The following PLA2G6 variants were observed in gnomAD, a reference collection of about 807,000 sequenced individuals.
The protein encoded by PLA2G6 is 85/88 kDa calcium-independent phospholipase A2.
A neutral mutation model predicts 83.8 loss-of-function variants in PLA2G6; 62 were observed. That is an observed-to-expected ratio of 0.74 (90% CI 0.60 to 0.91). PLA2G6 has a LOEUF of 0.91. Ranked by LOEUF, PLA2G6 falls within the 40% of genes least tolerant of loss-of-function variation. PLA2G6 has a pLI of 0.00. For synonymous variants in PLA2G6, 417 were observed against 449.8 expected, an observed-to-expected ratio of 0.93 and a Z score of 0.92; for missense variants, 944 against 1,102.0, an observed-to-expected ratio of 0.86 and a Z score of 2.03.
At chr22:38,139,544 C>T (rs2088769467) in intron 5 of PLA2G6, 1 of 160,312 alleles carries the variant, frequency 6.2e-6, no homozygotes, top group Non-Finnish European at 1.4e-5. Flanking sequence ...AACCGATTCT[C>T]CTGCCTCAGC....
intron 1 of PLA2G6, among the ~76,000 whole-genome samples, chr22:38,180,917 G>A (rs1196133419): frequency 6.6e-6 from 1 of 152,174 alleles, no homozygotes; most frequent in South Asian, 2.1e-4. Context: ...CAGCCTCAAC[G>A]TTGCCAAACC....
chr22:38,114,165 G>A (rs1334521677), intron 14 of PLA2G6, among the ~76,000 whole-genome samples: 1 of 151,804 alleles, frequency 6.6e-6, no homozygotes, highest in African/African-American at 2.4e-5. Flanking sequence ...GCTTGAACCT[G>A]AGCCCTGGGT....
intron 9 of PLA2G6, 159 bp from the exon 10 acceptor site, chr22:38,126,608 T>A: frequency 1.5e-6 from 1 of 668,052 alleles, no homozygotes; most frequent in East Asian, 2.8e-5. Context: ...GGAAGGACTC[T>A]GTCCCAGGAG....
At chr22:38,126,143 C>G (rs2087837832) in intron 10 of PLA2G6, 1 of 617,962 alleles carries the variant, frequency 1.6e-6, no homozygotes, top group African/African-American at 1.8e-5. Context: ...GTCCAAGAAG[C>G]CTGGCACCCT....
chr22:38,117,229 C>T (rs999993765), intron 12 of PLA2G6, among the ~76,000 whole-genome samples: 3 of 152,124 alleles, frequency 2.0e-5, no homozygotes, highest in African/African-American at 4.8e-5. Context: ...TTTTTTGAGA[C>T]GGAGTCTCAC....
At chr22:38,153,474 A>G (rs2089655843) in intron 2 of PLA2G6, among the ~76,000 whole-genome samples, 1 of 151,906 alleles carries the variant, frequency 6.6e-6, no homozygotes, top group African/African-American at 2.4e-5. Context: ...TTACTTTTTA[A>G]TTGAAAAAAA....
chr22:38,151,390 C>T (rs2089552973), intron 2 of PLA2G6, among the ~76,000 whole-genome samples: 1 of 151,952 alleles, frequency 6.6e-6, no homozygotes, highest in Non-Finnish European at 1.5e-5. Flanking sequence ...GGGACGTGAA[C>T]CACCACACCT....
In PLA2G6 at chr22:38,163,388, A is replaced by C. The variant is rs76108428; in HGVS notation, c.209+5830T>G. On this transcript the variant is annotated intron_variant, in intron 2 of 16. Coordinates refer to ENST00000332509, the MANE Select transcript of PLA2G6 (RefSeq NM_003560.4). Reference sequence around the variant, plus strand: ...CACTTGGCCTTCAGCAACCATGGATACATCTAGCCACTCGGCAGATATTTA... The same window carrying C: ...CACTTGGCCTTCAGCAACCATGGATCCATCTAGCCACTCGGCAGATATTTA... 959 of 169,130 alleles carry C rather than the reference A, an allele frequency of 5.7e-3. 12 individuals are homozygous for C. Among genetic ancestry groups the C allele is most frequent in the African/African-American group, 0.021 (882 of 41,648 alleles). 10.5% of individuals were successfully genotyped at this position (169,130 alleles called of 1,614,324 possible).
At position 38,128,383 on chromosome 22, in the gene PLA2G6, C is replaced by T. The variant is rs575880571; in HGVS notation, c.1234G>A (p.Glu412Lys). 8.1e-6 allele frequency: 13 copies of T among 1,613,896 alleles called. No homozygotes were observed. The highest frequency in any genetic ancestry group is 4.5e-5 in the East Asian group (2 of 44,886). Residue 412 changes from glutamate (E) to lysine (K), a missense_variant, in exon 9 of 17, where the codon GAA becomes AAA. Coordinates refer to ENST00000332509, the MANE Select transcript of PLA2G6 (RefSeq NM_003560.4). This position sits in a 1 kb window ranked among gnomAD's most constrained non-coding sequence, Gnocchi z 4.4. Reference protein sequence around the residue: ...ILTLLRTVGAEYCFPPIHGVP... With the variant: ...ILTLLRTVGAKYCFPPIHGVP... ...CCGTGGATGGGTGGGAAGCAGTATT[C>T]GGCCCCCACGGTTCTCAGCAGAGTC...
chr22:38,125,977 C>T (rs888079043), intron 10 of PLA2G6, among the ~76,000 whole-genome samples: 4 of 152,184 alleles, frequency 2.6e-5, no homozygotes, highest in Admixed American at 6.5e-5. Flanking sequence ...AGGCAGCCCA[C>T]GCCACTATTC....
At chr22:38,172,822 A>G (rs1391990044) in intron 1 of PLA2G6, among the ~76,000 whole-genome samples, 1 of 152,212 alleles carries the variant, frequency 6.6e-6, no homozygotes, top group Non-Finnish European at 1.5e-5. Context: ...CCCTTCGTCA[A>G]TGGCCCAGCC....
At chr22:38,169,593 G>T in intron 1 of PLA2G6, 122 bp from the exon 2 acceptor site, 2 of 660,742 alleles carry the variant, frequency 3.0e-6, no homozygotes, top group South Asian at 1.6e-5. Context: ...CCAGATCCTG[G>T]GCCTGGAGGG....
At chr22:38,127,306 G>C (rs941459107) in intron 9 of PLA2G6, 8 of 1,277,112 alleles carry the variant, frequency 6.3e-6, no homozygotes, top group Non-Finnish European at 8.2e-6. Context: ...GGGAGGGGGC[G>C]TGTGGTGTGT....
intron 11 of PLA2G6, chr22:38,121,121 T>C: frequency 1.9e-6 from 1 of 537,234 alleles, no homozygotes; most frequent in Non-Finnish European, 3.4e-6. Context: ...CTCGCGCCTG[T>C]AATCCCAGCA....
chr22:38,171,217 A>T (rs1230029971), intron 1 of PLA2G6, among the ~76,000 whole-genome samples: 1 of 151,404 alleles, frequency 6.6e-6, no homozygotes, highest in Non-Finnish European at 1.5e-5. Context: ...AAAAGTTCGC[A>T]GTGTCCCATT....
intron 10 of PLA2G6, chr22:38,125,623 C>T: frequency 2.1e-6 from 1 of 466,790 alleles, no homozygotes; most frequent in Admixed American, 2.4e-5. Context: ...CTGTGAGTTG[C>T]CACCCTGACA....
chr22:38,129,676 A>T, intron 7 of PLA2G6, 114 bp from the exon 8 acceptor site: 1 of 754,816 alleles, frequency 1.3e-6, no homozygotes, highest in East Asian at 2.6e-5. Context: ...TCTCCTCAGC[A>T]CGGGGAGACA....
At chr22:38,143,372 G>T in intron 3 of PLA2G6, 84 bp from the exon 4 acceptor site, 1 of 1,336,888 alleles carries the variant, frequency 7.5e-7, no homozygotes, top group Non-Finnish European at 1.1e-6. Context: ...GCAGGGAAGT[G>T]CACTCGGAAA....
At chr22:38,117,929 C>T (rs1237282932) in intron 12 of PLA2G6, among the ~76,000 whole-genome samples, 1 of 151,456 alleles carries the variant, frequency 6.6e-6, no homozygotes, top group South Asian at 2.1e-4. Flanking sequence ...CCAGCTACTC[C>T]GGAGGCTGAG....
Sources: gnomAD v4.1 joint callset for allele counts (sites outside exome capture counted in the v4.1 genomes callset) on GRCh38, gnomAD v4.1.1 for gene constraint, Gnocchi (gnomAD v3.1) non-coding constraint, MANE v1.5 for transcripts, NCBI Gene and HGNC (gene_info 2026-07-23, HGNC 2026-07-21) for gene names.